MARCHF1: variants seen among roughly 807,000 people sequenced by gnomAD.
The protein encoded by MARCHF1 is membrane associated ring-CH-type finger 1.
A neutral mutation model predicts 54.2 loss-of-function variants in MARCHF1; 40 were observed. The ratio of observed to expected loss-of-function variants is 0.74; its 90% CI spans 0.57 to 0.96. The LOEUF is 0.96. MARCHF1 is among the 40% of genes least tolerant of loss of function. The probability of loss-of-function intolerance (pLI) is 0.00; values close to 1 mark genes in which losing one functional copy is unlikely to be tolerated. For synonymous variants in MARCHF1, 236 were observed against 236.3 expected, an observed-to-expected ratio of 1.00 and a Z score of 0.01; for missense variants, 586 against 656.5, an observed-to-expected ratio of 0.89 and a Z score of 1.17.
intron 1 of MARCHF1, among the ~76,000 whole-genome samples, chr4:164,292,522 C>T (rs1734307814): frequency 6.6e-6 from 1 of 152,118 alleles, no homozygotes; most frequent in African/African-American, 2.4e-5. Flanking sequence ...CATATTCCCC[C>T]TTCCGTGGTT....
intron 1 of MARCHF1, among the ~76,000 whole-genome samples, chr4:164,168,102 A>G (rs1730427127): frequency 6.6e-6 from 1 of 152,056 alleles, no homozygotes; most frequent in African/African-American, 2.4e-5. Context: ...AAAAATGGGC[A>G]AAGGATCTGA....
intron 4 of MARCHF1, among the ~76,000 whole-genome samples, chr4:163,751,215 C>T (rs1274976015): frequency 6.6e-6 from 1 of 150,946 alleles, no homozygotes; most frequent in Non-Finnish European, 1.5e-5. Flanking sequence ...TTGGAGAGTG[C>T]AGTAACTACA....
chr4:163,925,315 C>T (rs13139269), intron 3 of MARCHF1, among the ~76,000 whole-genome samples: 94,117 of 151,518 alleles, frequency 0.62, 29,380 homozygotes, highest in Middle Eastern at 0.71. Flanking sequence ...ACTCAAGAGT[C>T]ACAAGTTTAC....
At chr4:163,641,347 C>T (rs1480127555) in intron 5 of MARCHF1, among the ~76,000 whole-genome samples, 1 of 151,928 alleles carries the variant, frequency 6.6e-6, no homozygotes, top group East Asian at 1.9e-4. Flanking sequence ...AGTACAATTC[C>T]TGTAATTTAG....
chr4:163,936,154 G>A (rs539807968), intron 3 of MARCHF1, among the ~76,000 whole-genome samples: 7 of 152,214 alleles, frequency 4.6e-5, no homozygotes, highest in African/African-American at 1.4e-4. Flanking sequence ...GTCTTATGTA[G>A]GCATGATTCC....
intron 2 of MARCHF1, among the ~76,000 whole-genome samples, chr4:164,073,262 A>G (rs1754907817): frequency 6.6e-6 from 1 of 152,198 alleles, no homozygotes; most frequent in Non-Finnish European, 1.5e-5. Flanking sequence ...CCCATCAGTG[A>G]TAGACTGGGT....
intron 8 of MARCHF1, among the ~76,000 whole-genome samples, chr4:163,574,489 G>C (rs546500050): frequency 0.018 from 2,615 of 148,172 alleles, 58 homozygotes; most frequent in African/African-American, 0.061. Context: ...ATTGATTTTT[G>C]TATAAGGTGT....
At chr4:164,031,645 T>C (rs1753880308) in intron 2 of MARCHF1, among the ~76,000 whole-genome samples, 1 of 152,102 alleles carries the variant, frequency 6.6e-6, no homozygotes, top group African/African-American at 2.4e-5. Flanking sequence ...ATTTATTTGC[T>C]TATGTTGAAC....
intron 1 of MARCHF1, among the ~76,000 whole-genome samples, chr4:164,128,032 G>C (rs1321222677): frequency 6.6e-6 from 1 of 152,138 alleles, no homozygotes; most frequent in Non-Finnish European, 1.5e-5. Flanking sequence ...TCAAGAATTA[G>C]ACTCATCAAT....
chr4:163,838,302 T>C (rs1167831539), intron 4 of MARCHF1, among the ~76,000 whole-genome samples: 1 of 152,102 alleles, frequency 6.6e-6, no homozygotes, highest in Non-Finnish European at 1.5e-5. Context: ...AGATTAATTA[T>C]AGTTCCTAAT....
chr4:163,962,856 G>C (rs140414175), intron 3 of MARCHF1, among the ~76,000 whole-genome samples: 122 of 151,746 alleles, frequency 8.0e-4, no homozygotes, highest in Middle Eastern at 3.4e-3. Flanking sequence ...GTTTTATTTT[G>C]CTTCTTTGGT....
intron 4 of MARCHF1, among the ~76,000 whole-genome samples, chr4:163,705,619 A>C (rs544089526): frequency 6.6e-6 from 1 of 152,132 alleles, no homozygotes; most frequent in African/African-American, 2.4e-5. Context: ...TATTTGACAA[A>C]CTTTGGCAGT....
chr4:163,921,696 T>C (rs906647627), intron 3 of MARCHF1, among the ~76,000 whole-genome samples: 2 of 152,176 alleles, frequency 1.3e-5, no homozygotes, highest in African/African-American at 4.8e-5. Flanking sequence ...GAAATCAATT[T>C]ATGATTAATT....
At chr4:163,932,897 G>C (rs897776331) in intron 3 of MARCHF1, 1 of 636,212 alleles carries the variant, frequency 1.6e-6, no homozygotes, top group East Asian at 3.8e-5. Context: ...ATTACTTCCA[G>C]TACTTTGCTG....
At chr4:163,781,123 G>A (rs183086939) in intron 4 of MARCHF1, among the ~76,000 whole-genome samples, 2 of 152,042 alleles carry the variant, frequency 1.3e-5, no homozygotes, top group Admixed American at 6.6e-5. Context: ...GGGCGGGGGG[G>A]GTGGATCACT....
chr4:163,539,626 C>T (rs991871154), intron 9 of MARCHF1, among the ~76,000 whole-genome samples: 1 of 152,158 alleles, frequency 6.6e-6, no homozygotes, highest in Admixed American at 6.6e-5. Context: ...AAGCTTCTCT[C>T]CAGAATCACA....
intron 1 of MARCHF1, among the ~76,000 whole-genome samples, chr4:164,121,587 C>G (rs2915260): frequency 0.99 from 150,392 of 152,178 alleles, 74,335 homozygotes; most frequent in Middle Eastern, 1. Context: ...CTCCCACCAG[C>G]TCCCTCCCAT....
At chr4:164,053,233 G>GT (rs1377164532) in intron 2 of MARCHF1, among the ~76,000 whole-genome samples, 15 of 151,306 alleles carry the variant, frequency 9.9e-5, no homozygotes, top group East Asian at 1.9e-4. Context: ...GTATCCTGAA[G>GT]TTTTTTTTTA....
chr4:163,873,816 T>C (rs1016711628), intron 3 of MARCHF1, among the ~76,000 whole-genome samples: 5 of 152,194 alleles, frequency 3.3e-5, no homozygotes, highest in Admixed American at 3.3e-4. Context: ...CCTGTCTTCT[T>C]GTGAAGTTGT....
Sources: gnomAD v4.1 joint callset for allele counts (sites outside exome capture counted in the v4.1 genomes callset) on GRCh38, gnomAD v4.1.1 for gene constraint, MANE v1.5 for transcripts, NCBI Gene and HGNC (gene_info 2026-07-23, HGNC 2026-07-21) for gene names.